GSE1: variants seen among roughly 807,000 people sequenced by gnomAD.
The protein encoded by GSE1 is genetic suppressor element 1.
GSE1 carries 32 observed loss-of-function variants against 112.6 expected under a neutral mutation model. That is an observed-to-expected ratio of 0.28 (90% CI 0.21 to 0.38). GSE1 has a LOEUF of 0.38. Ranked by LOEUF, GSE1 falls within the 10% of genes least tolerant of loss-of-function variation. The pLI is 1.00. For missense variants in GSE1, 2,348 were observed against 1,699.2 expected (o/e 1.38, Z -6.71); for synonymous variants, 1,115 against 735.6 (o/e 1.52, Z -8.35).
chr16:85,342,003 C>G (rs977764947), intron 1 of GSE1, among the ~76,000 whole-genome samples: 3 of 152,102 alleles, frequency 2.0e-5, no homozygotes, highest in African/African-American at 7.2e-5. Flanking sequence ...CTCTCTATCC[C>G]TGGGCTGCCT....
rs912318213 is a variant in GSE1, at chr16:85,668,246, C to A, written c.3237C>A (p.His1079Gln). The part of the protein sequence containing the change: ...QSSSRAPPPQ[H>Q]NGQQEPPTAR... ...CCAGCCGCGCCCCTCCACCCCAGCACAATGGGCAGCAGGAGCCCCCCACTG... is the reference window on the plus strand; with the variant it reads ...CCAGCCGCGCCCCTCCACCCCAGCAAAATGGGCAGCAGGAGCCCCCCACTG... The change falls in exon 14 of 16, where the codon CAC (histidine) becomes CAA (glutamine). Residue 1079 changes from histidine to glutamine, a missense_variant. Physicochemically the swap from His to Gln is conservative, Grantham distance 24. Transcript: ENST00000253458. The A allele has an allele frequency of 4.3e-6, 7 of 1,611,418 alleles. No homozygotes were observed. Among genetic ancestry groups the A allele is most frequent in the Non-Finnish European group, 5.9e-6 (7 of 1,177,694 alleles).
rs573036635 is a variant in GSE1, at chr16:85,309,623, C to T, written c.2284-47840C>T. Among the ~76,000 whole-genome samples, 24 of 152,376 alleles carry T rather than the reference C, an allele frequency of 1.6e-4. No homozygotes were observed. In the South Asian group the frequency reaches 2.1e-3, roughly 13 times the overall value. The stretch of plus-strand genomic sequence containing the variant: ...ACGTGGCCCACCCCCCGGATCTGGC[C>T]GGGAGCAGCTTCCACAGTGCCAGGA... On this transcript the variant is annotated intron_variant, in intron 1 of 2. Coordinates refer to the GSE1 transcript ENST00000637419.
intron 1 of GSE1, among the ~76,000 whole-genome samples, chr16:85,273,133 A>G (rs974574934): frequency 1.3e-5 from 2 of 152,142 alleles, no homozygotes; most frequent in Non-Finnish European, 2.9e-5. Context: ...CTGGGAGTTG[A>G]CGGAATGGGA....
chr16:85,231,314 G>C (rs921615738), intron 1 of GSE1, among the ~76,000 whole-genome samples: 1 of 150,648 alleles, frequency 6.6e-6, no homozygotes, highest in Non-Finnish European at 1.5e-5. Context: ...TGGACGGAAG[G>C]ACAGATAGAA....
rs547073968 is a variant in GSE1, at chr16:85,413,992, G to A, written c.2464+56349G>A. On this transcript the variant is annotated intron_variant, in intron 2 of 2. Coordinates refer to the GSE1 transcript ENST00000637419. ...GCACCTTGCTTCTCTCTCACCTTCC[G>A]CCATGATTGTAAGTTCCTGAGGCCT... Among the ~76,000 whole-genome samples the A allele has an allele frequency of 4.5e-4, 69 of 152,276 alleles. 3 individuals are homozygous for A. Among genetic ancestry groups the A allele is most frequent in the Non-Finnish European group, 2.9e-4 (20 of 68,030 alleles).
intron 2 of GSE1, among the ~76,000 whole-genome samples, chr16:85,456,692 A>T (rs949244953): frequency 3.3e-5 from 5 of 149,782 alleles, no homozygotes; most frequent in Admixed American, 2.7e-4. Context: ...GCTAAGTGGT[A>T]TTTAAAGAAG....
At chr16:85,440,051 C>T (rs899150613) in intron 2 of GSE1, among the ~76,000 whole-genome samples, 2 of 152,368 alleles carry the variant, frequency 1.3e-5, no homozygotes, top group East Asian at 3.9e-4. Flanking sequence ...CTTGCACCTT[C>T]GGGTTTAAGC....
intron 2 of GSE1, among the ~76,000 whole-genome samples, chr16:85,454,940 G>A (rs1356533987): frequency 3.3e-5 from 5 of 152,186 alleles, no homozygotes; most frequent in Non-Finnish European, 5.9e-5. Flanking sequence ...GCCCAGGTGC[G>A]GAGGGTGAGG....
At chr16:85,313,689 A>G (rs1310263275) in intron 1 of GSE1, among the ~76,000 whole-genome samples, 1 of 152,184 alleles carries the variant, frequency 6.6e-6, no homozygotes, top group Non-Finnish European at 1.5e-5. Context: ...CGGTCAGAAC[A>G]GGCTGTGGGG....
At chr16:85,507,579 T>C (rs963973509) in intron 2 of GSE1, among the ~76,000 whole-genome samples, 2 of 152,146 alleles carry the variant, frequency 1.3e-5, no homozygotes, top group Non-Finnish European at 2.9e-5. Flanking sequence ...AGTCAAGGTG[T>C]GAGCAGGGTT....
At chr16:85,663,255 C>T in intron 10 of GSE1, 89 bp from the exon 11 acceptor site, 4 of 1,466,496 alleles carry the variant, frequency 2.7e-6, no homozygotes, top group Non-Finnish European at 2.8e-6. Context: ...ACGGCCCACA[C>T]TTCGAGGACC....
intron 1 of GSE1, among the ~76,000 whole-genome samples, chr16:85,240,113 C>T (rs1180374563): frequency 1.3e-5 from 2 of 152,210 alleles, no homozygotes; most frequent in African/African-American, 2.4e-5. Flanking sequence ...TCAACTTGCT[C>T]ATCTGTAAAG....
chr16:85,482,983 A>ATAAAAC (rs144014707), intron 2 of GSE1, among the ~76,000 whole-genome samples: 3 of 148,632 alleles, frequency 2.0e-5, no homozygotes, highest in Non-Finnish European at 4.4e-5. Context: ...GTCTCAAAAA[A>ATAAAAC]AAAAAAAAAA....
chr16:85,361,865 C>T (rs2151580827), intron 2 of GSE1, among the ~76,000 whole-genome samples: 1 of 152,354 alleles, frequency 6.6e-6, no homozygotes, highest in East Asian at 1.9e-4. Context: ...TCCCAGACTC[C>T]CGGGGCAGCC....
At chr16:85,309,143 G>T (rs555191394) in intron 1 of GSE1, among the ~76,000 whole-genome samples, 3 of 151,656 alleles carry the variant, frequency 2.0e-5, no homozygotes, top group Non-Finnish European at 4.4e-5. Flanking sequence ...GACCCAGGCC[G>T]CCCACAGGAA....
chr16:85,600,865 G>T (rs1194216216), intron 1 of GSE1, among the ~76,000 whole-genome samples: 1 of 152,106 alleles, frequency 6.6e-6, no homozygotes, highest in Non-Finnish European at 1.5e-5. Context: ...CGCTGATGAG[G>T]GTTTGTGTCC....
intron 1 of GSE1, among the ~76,000 whole-genome samples, chr16:85,616,508 C>T (rs2048380572): frequency 1.3e-5 from 2 of 152,328 alleles, no homozygotes; most frequent in Middle Eastern, 3.4e-3. Flanking sequence ...TGGATGGGGA[C>T]CCTCTCTGGG....
At chr16:85,295,831 C>G (rs2045351181) in intron 1 of GSE1, among the ~76,000 whole-genome samples, 1 of 150,572 alleles carries the variant, frequency 6.6e-6, no homozygotes, top group African/African-American at 2.5e-5. Flanking sequence ...TCTGGAACTC[C>G]TGGGCTCAAG....
At chr16:85,198,809 CACTT>C (rs1386228739) in intron 1 of GSE1, among the ~76,000 whole-genome samples, 5 of 152,240 alleles carry the variant, frequency 3.3e-5, no homozygotes, top group Admixed American at 2.0e-4. Context: ...GACAGGGTCT[CACTT>C]AGTCGCCCAG....
Sources: allele counts gnomAD v4.1 joint callset (sites outside exome capture counted in the v4.1 genomes callset), GRCh38; gene constraint gnomAD v4.1.1; transcripts MANE v1.5; gene names NCBI Gene and HGNC (gene_info 2026-07-23, HGNC 2026-07-21).